Variants in NSRP1 observed in about 807,000 individuals in gnomAD.
NSRP1 encodes coiled-coil domain containing 55.
In NSRP1, 24 loss-of-function variants were observed where a neutral mutation model predicts 54.7. That is an observed-to-expected ratio of 0.44 (90% CI 0.32 to 0.62). The LOEUF is 0.62. Among genes scored for constraint, NSRP1 ranks in the 20% least tolerant of loss-of-function variants. The pLI, the probability that NSRP1 is intolerant of heterozygous loss-of-function variation, is 0.06. For synonymous variants in NSRP1, 210 were observed against 213.8 expected, an observed-to-expected ratio of 0.98 and a Z score of 0.15; for missense variants, 596 against 651.2, an observed-to-expected ratio of 0.92 and a Z score of 0.92.
At position 30,172,014 on chromosome 17, in the gene NSRP1, T is replaced by TCTCTCTCTCTCTCACA. The variant is rs144705088; in HGVS notation, c.115-527_115-526insTCTCTCTCTCTCACAC. Among the ~76,000 whole-genome samples the TCTCTCTCTCTCTCACA allele has an allele frequency of 8.4e-3, 1,099 of 131,098 alleles. 25 individuals are homozygous for TCTCTCTCTCTCTCACA. Among genetic ancestry groups the TCTCTCTCTCTCTCACA allele is most frequent in the East Asian group, 0.02 (78 of 3,870 alleles). 86.0% of individuals were successfully genotyped at this position (131,098 alleles called of 152,430 possible). ...CTCTCTCTCTCTCTCTCTCTCTCTC[T>TCTCTCTCTCTCTCACA]CACATGTTCACATGAAGCAAATTGA... is the stretch of plus-strand genomic sequence containing the variant. On this transcript the variant is annotated intron_variant, in intron 2 of 6. Transcript: ENST00000247026.
chr17:30,183,725 A>G (rs1322717960), intron 6 of NSRP1, among the ~76,000 whole-genome samples: 2 of 152,206 alleles, frequency 1.3e-5, no homozygotes, highest in Non-Finnish European at 2.9e-5. Context: ...TGAAGGTAAT[A>G]TAATTTTAGT....
At chr17:30,146,559 T>C (rs1305547387) in intron 2 of NSRP1, among the ~76,000 whole-genome samples, 1 of 152,116 alleles carries the variant, frequency 6.6e-6, no homozygotes, top group African/African-American at 2.4e-5. Flanking sequence ...TTTACCCCAT[T>C]AATGTCCTGT....
chr17:30,176,618 C>CAAA (rs35018204), intron 3 of NSRP1, among the ~76,000 whole-genome samples: 7 of 120,332 alleles, frequency 5.8e-5, no homozygotes, highest in African/African-American at 2.1e-4. Flanking sequence ...CCCCCCCCCC[C>CAAA]AAAAAAAAAA....
Position 30,185,619 on chromosome 17 carries a change from C to T in NSRP1, c.1622C>T (p.Ala541Val). 1 of 1,612,736 alleles carries T rather than the reference C, an allele frequency of 6.2e-7. No homozygotes were observed. ...ATGTCAGCTAGAGACAGGTACTTGG[C>T]CAGGCAGATGGCGCGGGTTAATGCA... ...TVMSARDRYL[A>V]RQMARVNAKT... Residue 541 changes from alanine to valine, a missense_variant, in exon 7 of 7, where the codon GCC becomes GTC. Ala to Val is a moderately conservative substitution (Grantham distance 64). Transcript: ENST00000247026.
At chr17:30,172,477 A>T in intron 2 of NSRP1, 65 bp from the exon 3 acceptor site, 1 of 1,264,724 alleles carries the variant, frequency 7.9e-7, no homozygotes, top group East Asian at 2.5e-5. Flanking sequence ...TAGATAGGGG[A>T]CGCTCGTACT....
At chr17:30,171,972 A>ACACCCCCTCTCT (rs1169988659) in intron 2 of NSRP1, among the ~76,000 whole-genome samples, 3 of 46,588 alleles carry the variant, frequency 6.4e-5, no homozygotes, top group Non-Finnish European at 1.1e-4. Context: ...ACACACACAC[A>ACACCCCCTCTCT]CTCCCTCTCT....
intron 2 of NSRP1, among the ~76,000 whole-genome samples, chr17:30,151,327 A>T (rs2143003884): frequency 6.6e-6 from 1 of 152,326 alleles, no homozygotes; most frequent in Middle Eastern, 3.4e-3. Context: ...ACACCCGTGC[A>T]GCTGAAAACT....
intron 3 of NSRP1, among the ~76,000 whole-genome samples, chr17:30,175,303 AC>A (rs1167624280): frequency 6.6e-6 from 1 of 151,788 alleles, no homozygotes; most frequent in East Asian, 1.9e-4. Context: ...TTCTTGTTTG[AC>A]CCATCTATTA....
chr17:30,176,079 C>T (rs1567805896), intron 3 of NSRP1, among the ~76,000 whole-genome samples: 1 of 148,484 alleles, frequency 6.7e-6, no homozygotes, highest in Non-Finnish European at 1.5e-5. Context: ...CATATATATT[C>T]ATACTGTTTT....
intron 2 of NSRP1, among the ~76,000 whole-genome samples, chr17:30,120,785 ATAAG>A (rs2071590009): frequency 6.6e-6 from 1 of 151,936 alleles, no homozygotes; most frequent in South Asian, 2.1e-4. Flanking sequence ...TGGCTGATAA[ATAAG>A]TGTCAAGATT....
At chr17:30,140,597 C>T (rs1485764801) in intron 2 of NSRP1, among the ~76,000 whole-genome samples, 24 of 131,280 alleles carry the variant, frequency 1.8e-4, no homozygotes, top group African/African-American at 2.7e-4. Flanking sequence ...GGCGTGATCT[C>T]GGCTCACTGC....
At chr17:30,140,406 T>G (rs2071792903) in intron 2 of NSRP1, among the ~76,000 whole-genome samples, 1 of 152,124 alleles carries the variant, frequency 6.6e-6, no homozygotes, top group Non-Finnish European at 1.5e-5. Flanking sequence ...AAAATATTTG[T>G]GAACCTCTGT....
intron 2 of NSRP1, among the ~76,000 whole-genome samples, chr17:30,145,088 A>T (rs2071841508): frequency 6.6e-6 from 1 of 152,142 alleles, no homozygotes; most frequent in Non-Finnish European, 1.5e-5. Flanking sequence ...ATTGTTTTTA[A>T]CTACAGCATA....
rs1251439258 is a variant in NSRP1 at position 30,180,911 on chromosome 17, G to A, written c.512G>A (p.Cys171Tyr). Reference sequence around the variant, plus strand: ...ATTTTTGCTTTCCCTCTGTTAGCATGTTTGGATGTAACCAAGCAGAAAGAT... The same window carrying A: ...ATTTTTGCTTTCCCTCTGTTAGCATATTTGGATGTAACCAAGCAGAAAGAT... ...REKRAAALEA[C>Y]LDVTKQKDLS... Residue 171 changes from cysteine to tyrosine, a missense_variant, in exon 6 of 7, where the codon TGT (cysteine) becomes TAT (tyrosine). Coordinates refer to ENST00000247026, the MANE Select transcript of NSRP1 (RefSeq NM_032141.4). 1 of 1,608,006 alleles carries A rather than the reference G, an allele frequency of 6.2e-7. No homozygotes were observed. The highest frequency in any genetic ancestry group is 2.2e-5 in the East Asian group (1 of 44,820).
chr17:30,152,721 AT>A (rs2071923708), intron 2 of NSRP1, among the ~76,000 whole-genome samples: 1 of 151,722 alleles, frequency 6.6e-6, no homozygotes, highest in South Asian at 2.1e-4. Flanking sequence ...TGGAAGATAC[AT>A]TGTTAAAAGC....
At chr17:30,130,965 G>A (rs2071694347) in intron 2 of NSRP1, among the ~76,000 whole-genome samples, 1 of 152,292 alleles carries the variant, frequency 6.6e-6, no homozygotes, top group East Asian at 1.9e-4. Flanking sequence ...AAAAGCCACT[G>A]CCTTTATGGC....
rs566019425 is a variant in NSRP1, at chr17:30,130,818, A to G, written c.114+12645A>G. ...AAATATTTAGCTTTTTCTTCATTTC[A>G]TTGAAATTTACTGTCATCCATGTGC... is the stretch of plus-strand genomic sequence containing the variant. On this transcript the variant is annotated intron_variant, in intron 2 of 6. Transcript: ENST00000247026. Among the ~76,000 whole-genome samples, 26 of 152,158 alleles carry G rather than the reference A, an allele frequency of 1.7e-4. 1 individual carries two copies. Among genetic ancestry groups the G allele is most frequent in the African/African-American group, 6.3e-4 (26 of 41,524 alleles).
chr17:30,125,028 A>G (rs990252956), intron 2 of NSRP1, among the ~76,000 whole-genome samples: 7 of 152,112 alleles, frequency 4.6e-5, no homozygotes, highest in Admixed American at 3.3e-4. Flanking sequence ...GTGAAACACC[A>G]TCTCTACTAA....
chr17:30,167,215 G>A (rs751492854), intron 2 of NSRP1, among the ~76,000 whole-genome samples: 2 of 152,122 alleles, frequency 1.3e-5, no homozygotes, highest in Non-Finnish European at 2.9e-5. Context: ...TAAATGATAC[G>A]ATTTCATTCT....
Sources: allele counts gnomAD v4.1 joint callset (sites outside exome capture counted in the v4.1 genomes callset), GRCh38; gene constraint gnomAD v4.1.1; transcripts MANE v1.5; gene names NCBI Gene and HGNC (gene_info 2026-07-23, HGNC 2026-07-21).